The following NKAIN3 variants were observed in gnomAD, a reference collection of about 807,000 sequenced individuals.
The protein encoded by NKAIN3 is sodium/potassium transporting ATPase interacting 3.
Under a neutral mutation model 30.2 loss-of-function variants are expected in NKAIN3, and 25 were observed. The ratio of observed to expected loss-of-function variants is 0.83; its 90% CI spans 0.60 to 1.16. The LOEUF (loss-of-function observed/expected upper bound fraction) is 1.16, where lower values mean the gene tolerates loss of function less well. Ranked by LOEUF, NKAIN3 falls within the 50% of genes most tolerant of loss-of-function variation. The pLI is 0.00. For missense variants in NKAIN3, 225 were observed against 254.1 expected (o/e 0.89, Z 0.78); for synonymous variants, 91 against 89.6 (o/e 1.02, Z -0.09).
intron 3 of NKAIN3, 60 bp from the exon 4 acceptor site, chr8:62,746,872 G>A (rs1171408836): frequency 2.4e-6 from 3 of 1,244,234 alleles, no homozygotes; most frequent in Admixed American, 3.6e-5. Context: ...TAAGGTCAAA[G>A]TCAAAGACGT....
At chr8:62,638,959 C>G (rs16929327) in intron 3 of NKAIN3, among the ~76,000 whole-genome samples, 124 of 152,230 alleles carry the variant, frequency 8.1e-4, no homozygotes, top group African/African-American at 2.9e-3. Context: ...TCTTTTACAC[C>G]TAGGCTTTTC....
chr8:62,927,283 A>G (rs1822480424), intron 5 of NKAIN3, among the ~76,000 whole-genome samples: 1 of 152,204 alleles, frequency 6.6e-6, no homozygotes, highest in Non-Finnish European at 1.5e-5. Context: ...GATCTTATCA[A>G]GATTGATTGA....
chr8:62,888,612 C>T (rs546948889), intron 4 of NKAIN3, among the ~76,000 whole-genome samples: 1 of 152,296 alleles, frequency 6.6e-6, no homozygotes, highest in Non-Finnish European at 1.5e-5. Context: ...TTCAGTTTTT[C>T]TAGCTTTTAT....
intron 1 of NKAIN3, among the ~76,000 whole-genome samples, chr8:62,447,926 A>G (rs16928948): frequency 0.11 from 16,408 of 152,022 alleles, 1,292 homozygotes; most frequent in African/African-American, 0.21. Context: ...TTGAAATCTA[A>G]AACCTTTATC....
At chr8:62,641,099 T>G (rs755481339) in intron 3 of NKAIN3, among the ~76,000 whole-genome samples, 6 of 152,058 alleles carry the variant, frequency 3.9e-5, no homozygotes, top group Non-Finnish European at 5.9e-5. Context: ...AAATGCATCT[T>G]GGTTCTTGGG....
intron 1 of NKAIN3, among the ~76,000 whole-genome samples, chr8:62,327,561 T>G (rs563238807): frequency 1.3e-4 from 20 of 152,224 alleles, no homozygotes; most frequent in Non-Finnish European, 2.4e-4. Context: ...GCACCATTTT[T>G]TGAGGACTGG....
chr8:62,335,082 G>C (rs1246674044), intron 1 of NKAIN3, among the ~76,000 whole-genome samples: 1 of 152,024 alleles, frequency 6.6e-6, no homozygotes, highest in Non-Finnish European at 1.5e-5. Flanking sequence ...GTAACTCTCT[G>C]TGGAAAGACT....
At chr8:62,681,050 C>A (rs1459993968) in intron 3 of NKAIN3, among the ~76,000 whole-genome samples, 1 of 152,150 alleles carries the variant, frequency 6.6e-6, no homozygotes, top group Non-Finnish European at 1.5e-5. Flanking sequence ...AACAGCAATT[C>A]TGGTGACTAT....
chr8:62,685,452 T>C (rs1388207033), intron 3 of NKAIN3, among the ~76,000 whole-genome samples: 1 of 152,248 alleles, frequency 6.6e-6, no homozygotes, highest in Non-Finnish European at 1.5e-5. Flanking sequence ...TATAATTTTT[T>C]ACTTCTGAAC....
At chr8:62,848,089 T>C (rs1586263689) in intron 4 of NKAIN3, among the ~76,000 whole-genome samples, 1 of 152,166 alleles carries the variant, frequency 6.6e-6, no homozygotes, top group Non-Finnish European at 1.5e-5. Context: ...TAGCCTTTAG[T>C]ATAGTTTGAA....
chr8:62,609,677 G>T (rs932294887), intron 3 of NKAIN3, among the ~76,000 whole-genome samples: 2 of 152,082 alleles, frequency 1.3e-5, no homozygotes, highest in Admixed American at 6.6e-5. Context: ...AAAATAAAAG[G>T]AAATAAAAGG....
chr8:62,584,661 C>T lies in NKAIN3; in HGVS notation c.192+4985C>T, dbSNP rs530532289. Among the ~76,000 whole-genome samples the T allele has an allele frequency of 2.6e-5, 4 of 152,360 alleles. No homozygotes were observed. The South Asian group carries it at 8.3e-4, about 32-fold the overall frequency. ...CTTTTGCCTCTTCAGTTTGCACATA[C>T]TGCTCCTTCTGCCTGGAATGCCTTA... is the stretch of plus-strand genomic sequence containing the variant. On this transcript the variant is annotated intron_variant, in intron 2 of 6. Coordinates refer to ENST00000623646, the MANE Select transcript of NKAIN3 (RefSeq NM_001304533.3).
intron 1 of NKAIN3, among the ~76,000 whole-genome samples, chr8:62,368,558 TAGC>T (rs58729054): frequency 0.97 from 147,346 of 152,008 alleles, 71,468 homozygotes; most frequent in East Asian, 1. Flanking sequence ...CAAATACAGC[TAGC>T]TGGGGAAGGG....
chr8:62,333,510 C>G (rs546763639), intron 1 of NKAIN3, among the ~76,000 whole-genome samples: 10 of 152,110 alleles, frequency 6.6e-5, no homozygotes, highest in African/African-American at 2.4e-4. Flanking sequence ...CACTGCAGTG[C>G]CCTTACTGGA....
At chr8:62,399,900 C>T (rs1018826893) in intron 1 of NKAIN3, among the ~76,000 whole-genome samples, 4 of 152,132 alleles carry the variant, frequency 2.6e-5, no homozygotes, top group Non-Finnish European at 4.4e-5. Context: ...AGCTTCTTCA[C>T]AGAGTTAAAA....
At chr8:62,444,225 TTA>T (rs1470980411) in intron 1 of NKAIN3, among the ~76,000 whole-genome samples, 2 of 152,148 alleles carry the variant, frequency 1.3e-5, no homozygotes, top group Non-Finnish European at 2.9e-5. Context: ...CCTTAAAATT[TTA>T]TCTTTTCTTT....
At chr8:62,268,672 C>A (rs749494127) in intron 1 of NKAIN3, among the ~76,000 whole-genome samples, 1 of 152,136 alleles carries the variant, frequency 6.6e-6, no homozygotes, top group Non-Finnish European at 1.5e-5. Flanking sequence ...TCAGTATTAT[C>A]CCTCTTTTAT....
chr8:62,753,230 A>ACACACG (rs919556861), intron 4 of NKAIN3, among the ~76,000 whole-genome samples: 2,246 of 151,314 alleles, frequency 0.015, 64 homozygotes, highest in African/African-American at 0.052. Flanking sequence ...ACACACACAC[A>ACACACG]CACGCACGCA....
chr8:62,836,257 C>T (rs902209617), intron 4 of NKAIN3, among the ~76,000 whole-genome samples: 1 of 151,898 alleles, frequency 6.6e-6, no homozygotes, highest in African/African-American at 2.4e-5. Flanking sequence ...TCATTCATAC[C>T]CCAAACCTCA....
Sources: gnomAD v4.1 joint callset for allele counts (sites outside exome capture counted in the v4.1 genomes callset) on GRCh38, gnomAD v4.1.1 for gene constraint, MANE v1.5 for transcripts, NCBI Gene and HGNC (gene_info 2026-07-23, HGNC 2026-07-21) for gene names.